The following UNC5B variants were observed in gnomAD, a reference collection of about 807,000 sequenced individuals.
UNC5B encodes netrin receptor UNC5B.
A neutral mutation model predicts 103.7 loss-of-function variants in UNC5B; 56 were observed. The ratio of observed to expected loss-of-function variants is 0.54; its 90% confidence interval spans 0.44 to 0.67. UNC5B has a LOEUF of 0.67. Ranked by LOEUF, UNC5B falls within the 30% of genes least tolerant of loss-of-function variation. The pLI is 0.00. For missense variants in UNC5B, 1,194 were observed against 1,284.5 expected (o/e 0.93, Z 1.08); for synonymous variants, 577 against 542.0 (o/e 1.06, Z -0.90).
Position 71,291,841 on chromosome 10 carries a change from G to A in UNC5B, c.1684+20G>A. 1 of 1,570,736 alleles carries A rather than the reference G, an allele frequency of 6.4e-7. No individual in the cohort carries two copies. The highest frequency in any genetic ancestry group is 8.6e-7 in the Non-Finnish European group (1 of 1,164,840). ...GCACAGGTGAGCCCCTGCCCTGCTTGTGCGTCAGCCTGGCCTTAGCACCTC... is the reference window on the plus strand; with the variant it reads ...GCACAGGTGAGCCCCTGCCCTGCTTATGCGTCAGCCTGGCCTTAGCACCTC... On this transcript the variant is annotated intron_variant, in intron 10 of 16. Coordinates refer to ENST00000335350, the MANE Select transcript of UNC5B (RefSeq NM_170744.5).
chr10:71,280,080 C>T (rs1206595238), intron 2 of UNC5B, 35 bp downstream of exon 2: 10 of 1,604,756 alleles, frequency 6.2e-6, no homozygotes, highest in East Asian at 2.2e-5. Flanking sequence ...CACCCCAGGA[C>T]ACCCCAGGCC....
intron 1 of UNC5B, among the ~76,000 whole-genome samples, chr10:71,248,367 C>G (rs1178160500): frequency 6.6e-6 from 1 of 152,148 alleles, no homozygotes; most frequent in Non-Finnish European, 1.5e-5. Flanking sequence ...GGAGAAAAGC[C>G]CCCCGCACCT....
chr10:71,266,681 G>C (rs1589177897), intron 1 of UNC5B, among the ~76,000 whole-genome samples: 1 of 152,174 alleles, frequency 6.6e-6, no homozygotes, highest in East Asian at 1.9e-4. Flanking sequence ...TGAGGTGTGG[G>C]GCTCGCCGGG....
intron 1 of UNC5B, among the ~76,000 whole-genome samples, chr10:71,274,403 A>G (rs1844719477): frequency 6.6e-6 from 1 of 152,184 alleles, no homozygotes; most frequent in South Asian, 2.1e-4. Context: ...GAAGTCTAGC[A>G]ATGGCTGAAT....
At chr10:71,234,320 TG>T (rs1219308973) in intron 1 of UNC5B, among the ~76,000 whole-genome samples, 2 of 152,192 alleles carry the variant, frequency 1.3e-5, no homozygotes, top group African/African-American at 2.4e-5. Context: ...GCTTCATTCT[TG>T]AGATTCAGGC....
In UNC5B at chr10:71,293,449, C is replaced by T; in HGVS notation, c.1817C>T (p.Thr606Ile). 6.2e-7 allele frequency: 1 copy of T among 1,614,072 alleles called. No individual in the cohort carries two copies. The highest frequency in any genetic ancestry group is 8.5e-7 in the Non-Finnish European group (1 of 1,179,998). ...GTQTVLSPSV[T>I]CGPTGLLLCR... is the part of the protein sequence containing the mutation. ...CAGACAGTATTGAGCCCCTCGGTGA[C>T]CTGTGGACCCACAGGCCTCCTGCTG... Residue 606 changes from threonine (T) to isoleucine (I), a missense_variant, in exon 12 of 17, where the codon ACC (threonine) becomes ATC (isoleucine). Transcript: ENST00000335350.
chr10:71,252,481 G>C (rs10823708), intron 1 of UNC5B, among the ~76,000 whole-genome samples: 62,097 of 152,116 alleles, frequency 0.41, 13,310 homozygotes, highest in Middle Eastern at 0.48. Flanking sequence ...CTGTGAAGGC[G>C]GGACTGGTAT....
chr10:71,281,533 G>T (rs1844928093), intron 2 of UNC5B, among the ~76,000 whole-genome samples: 1 of 152,138 alleles, frequency 6.6e-6, no homozygotes, highest in Non-Finnish European at 1.5e-5. Context: ...GTAAAGTTGG[G>T]ATTTCACCGT....
chr10:71,214,900 T>G (rs1843300562), intron 1 of UNC5B, among the ~76,000 whole-genome samples: 1 of 152,188 alleles, frequency 6.6e-6, no homozygotes, highest in African/African-American at 2.4e-5. Context: ...AAATGGCCTC[T>G]AATACCCGGC....
intron 1 of UNC5B, among the ~76,000 whole-genome samples, chr10:71,265,592 T>A (rs1437345919): frequency 6.6e-6 from 1 of 152,242 alleles, no homozygotes; most frequent in Non-Finnish European, 1.5e-5. Flanking sequence ...AGCTGCATGC[T>A]GTGGCCTGGC....
intron 1 of UNC5B, among the ~76,000 whole-genome samples, chr10:71,269,246 T>G (rs951968468): frequency 6.6e-6 from 1 of 151,992 alleles, no homozygotes; most frequent in Non-Finnish European, 1.5e-5. Flanking sequence ...TTCATCTTTT[T>G]TTTTTCTAGA....
At chr10:71,246,889 C>A (rs926520715) in intron 1 of UNC5B, among the ~76,000 whole-genome samples, 1 of 152,170 alleles carries the variant, frequency 6.6e-6, no homozygotes, top group African/African-American at 2.4e-5. Context: ...TCCGGGTTCA[C>A]GGTGCTCCCT....
intron 1 of UNC5B, among the ~76,000 whole-genome samples, chr10:71,225,835 C>CCACCGTGCCACACAGACTTGAGGA (rs1236791815): frequency 2.6e-5 from 3 of 117,204 alleles, no homozygotes; most frequent in Non-Finnish European, 6.5e-5. Flanking sequence ...GGACTGCTTG[C>CCACCGTGCCACACAGACTTGAGGA]CACCGTGCCA....
rs144371231 is a variant in UNC5B, at chr10:71,213,728, A to AGAGAGTGTGTGTGTGTGT, written c.79+665_79+666insAGAGTGTGTGTGTGTGTG. On this transcript the variant is annotated intron_variant, in intron 1 of 16. Transcript: ENST00000335350. This position sits in a 1 kb window ranked among gnomAD's most constrained non-coding sequence, Gnocchi z 4.1. ...ATTATTAATTTTCTGAGTGTTGGAGAGTGTGTGTGTGTGTGTGTGTGTGTG... is the reference window on the plus strand; with the variant it reads ...ATTATTAATTTTCTGAGTGTTGGAGAGAGAGTGTGTGTGTGTGTGTGTGTGTGTGTGTGTGTGTGTGTG... Among the ~76,000 whole-genome samples, 9 of 131,472 alleles carry AGAGAGTGTGTGTGTGTGT rather than the reference A, an allele frequency of 6.8e-5. No homozygotes were observed. Among genetic ancestry groups the AGAGAGTGTGTGTGTGTGT allele is most frequent in the African/African-American group, 2.6e-4 (9 of 34,258 alleles). 86.3% of individuals were successfully genotyped at this position (131,472 alleles called of 152,430 possible). A position where few individuals can be genotyped will look rare whatever the true frequency, so the allele number is the denominator to read the frequency against.
chr10:71,275,664 A>C (rs1273460146), intron 1 of UNC5B, among the ~76,000 whole-genome samples: 1 of 152,100 alleles, frequency 6.6e-6, no homozygotes, highest in Non-Finnish European at 1.5e-5. Flanking sequence ...TTTTGGTCTC[A>C]GTTTCCTCAT....
chr10:71,285,228 C>A, intron 3 of UNC5B, 98 bp from the exon 4 acceptor site: 4 of 1,266,590 alleles, frequency 3.2e-6, no homozygotes, highest in Non-Finnish European at 4.5e-6. Flanking sequence ...ATCAACAGTA[C>A]CCTGGGTCTG....
intron 1 of UNC5B, among the ~76,000 whole-genome samples, chr10:71,277,689 T>C (rs1472297746): frequency 6.6e-6 from 1 of 152,220 alleles, no homozygotes; most frequent in Non-Finnish European, 1.5e-5. Flanking sequence ...CTATAGTGAA[T>C]GTATCCCTGT....
At chr10:71,231,556 A>G (rs747374370) in intron 1 of UNC5B, among the ~76,000 whole-genome samples, 13 of 152,194 alleles carry the variant, frequency 8.5e-5, no homozygotes, top group Non-Finnish European at 1.5e-4. Flanking sequence ...AATGTACCCT[A>G]AATGCTCAGA....
chr10:71,242,503 C>T (rs1843928351), intron 1 of UNC5B, among the ~76,000 whole-genome samples: 1 of 152,216 alleles, frequency 6.6e-6, no homozygotes, highest in Non-Finnish European at 1.5e-5. Context: ...CCCCCTCTCC[C>T]TGGGCAGGGC....
Sources: allele counts gnomAD v4.1 joint callset (sites outside exome capture counted in the v4.1 genomes callset), GRCh38; gene constraint gnomAD v4.1.1; non-coding constraint Gnocchi (gnomAD v3.1); transcripts MANE v1.5; gene names NCBI Gene and HGNC (gene_info 2026-07-23, HGNC 2026-07-21).